The following ADAMTSL1 variants were observed in gnomAD, a reference collection of about 807,000 sequenced individuals.
ADAMTSL1 encodes ADAMTS-like protein 1.
In ADAMTSL1, 126 loss-of-function variants were observed where a neutral mutation model predicts 201.8. That is an observed-to-expected ratio of 0.62 (90% confidence interval 0.54 to 0.72). The LOEUF (loss-of-function observed/expected upper bound fraction) is 0.72, where lower values mean the gene tolerates loss of function less well. ADAMTSL1 is among the 30% of genes least tolerant of loss of function. The pLI is 0.00. For missense variants in ADAMTSL1, 2,679 were observed against 2,277.8 expected (o/e 1.18, Z -3.59); for synonymous variants, 1,121 against 903.4 (o/e 1.24, Z -4.32).
At chr9:18,796,377 A>T (rs10117246) in intron 20 of ADAMTSL1, 39,389 of 152,044 alleles carry the variant, frequency 0.26, 5,325 homozygotes, top group African/African-American at 0.32. Flanking sequence ...AATAGGATCC[A>T]TCCTCTCAGA....
intron 1 of ADAMTSL1, among the ~76,000 whole-genome samples, chr9:17,949,372 G>C (rs1485549994): frequency 6.6e-6 from 1 of 152,068 alleles, no homozygotes; most frequent in Non-Finnish European, 1.5e-5. Flanking sequence ...GGTACTGAAG[G>C]GCAGGTCAGT....
intron 23 of ADAMTSL1, among the ~76,000 whole-genome samples, chr9:18,866,921 G>C (rs79720642): frequency 1.1e-4 from 16 of 152,322 alleles, no homozygotes; most frequent in African/African-American, 3.8e-4. Context: ...AGGATGGCTT[G>C]CTGTACATAC....
intron 20 of ADAMTSL1, among the ~76,000 whole-genome samples, chr9:18,805,693 C>A (rs10963772): frequency 0.23 from 34,786 of 152,110 alleles, 5,417 homozygotes; most frequent in African/African-American, 0.44. Flanking sequence ...GCCCCTGCCC[C>A]CTGCAGGCAT....
At chr9:18,709,135 G>A (rs1432549028) in intron 14 of ADAMTSL1, among the ~76,000 whole-genome samples, 3 of 152,112 alleles carry the variant, frequency 2.0e-5, no homozygotes, top group East Asian at 1.9e-4. Context: ...ATGTCACTGT[G>A]CCAAGGTAAT....
chr9:18,175,894 T>A (rs951093102), intron 2 of ADAMTSL1, among the ~76,000 whole-genome samples: 4 of 150,178 alleles, frequency 2.7e-5, no homozygotes, highest in African/African-American at 9.8e-5. Context: ...AGGCTCTTAA[T>A]CTTCAGAGAT....
At chr9:18,853,710 T>G (rs918678656) in intron 23 of ADAMTSL1, among the ~76,000 whole-genome samples, 7 of 152,228 alleles carry the variant, frequency 4.6e-5, no homozygotes, top group Non-Finnish European at 7.3e-5. Context: ...AATGGCAGTT[T>G]GGAGGCAAAA....
At chr9:18,737,193 C>A (rs1448683789) in intron 15 of ADAMTSL1, among the ~76,000 whole-genome samples, 1 of 152,010 alleles carries the variant, frequency 6.6e-6, no homozygotes, top group Non-Finnish European at 1.5e-5. Context: ...ATGGCACATG[C>A]CTGTAATCCC....
At chr9:17,977,030 A>T (rs991128357) in intron 1 of ADAMTSL1, among the ~76,000 whole-genome samples, 1 of 151,960 alleles carries the variant, frequency 6.6e-6, no homozygotes, top group African/African-American at 2.4e-5. Context: ...GAGAGTTTTT[A>T]TTATAATAGG....
Position 18,906,796 on chromosome 9 carries a change from C to A in ADAMTSL1, c.5066C>A (p.Ser1689Tyr). 1.2e-6 allele frequency: 2 copies of A among 1,614,006 alleles called. No homozygotes were observed. The highest frequency in any genetic ancestry group is 1.7e-6 in the Non-Finnish European group (2 of 1,179,886). Reference sequence around the variant, plus strand: ...ACCTGTGGCAACTACGGCTTCCAGTCCCGGCGTGTGGAGTGTGTGCATGCC... The same window carrying A: ...ACCTGTGGCAACTACGGCTTCCAGTACCGGCGTGTGGAGTGTGTGCATGCC... ...TATCGNYGFQ[S>Y]RRVECVHART... Residue 1689 changes from serine to tyrosine, a missense_variant, in exon 28 of 29, where the codon TCC becomes TAC. Ser to Tyr is a moderately radical substitution (Grantham distance 144). Coordinates refer to ENST00000380548, the MANE Select transcript of ADAMTSL1 (RefSeq NM_001040272.6).
At chr9:18,779,644 T>C (rs894725616) in intron 19 of ADAMTSL1, among the ~76,000 whole-genome samples, 1 of 152,194 alleles carries the variant, frequency 6.6e-6, no homozygotes, top group Non-Finnish European at 1.5e-5. Flanking sequence ...CTTTCCTTAA[T>C]CAGCTTAACT....
chr9:18,470,203 T>A (rs192503836), upstream of ADAMTSL1, among the ~76,000 whole-genome samples: 4 of 152,238 alleles, frequency 2.6e-5, no homozygotes, highest in African/African-American at 9.6e-5. Context: ...CATCTGCAAA[T>A]TGGGGATAAT....
intron 15 of ADAMTSL1, among the ~76,000 whole-genome samples, chr9:18,731,004 T>C (rs1240092393): frequency 6.6e-6 from 1 of 152,234 alleles, no homozygotes; most frequent in African/African-American, 2.4e-5. Context: ...CCGTGACTTA[T>C]TTTGATCATA....
chr9:18,381,460 T>G (rs1837550870), intron 2 of ADAMTSL1, among the ~76,000 whole-genome samples: 1 of 152,144 alleles, frequency 6.6e-6, no homozygotes, highest in African/African-American at 2.4e-5. Context: ...AAAGTTAAGG[T>G]TCTTGCCCAA....
chr9:18,532,384 A>C (rs1213023724), intron 2 of ADAMTSL1, among the ~76,000 whole-genome samples: 1 of 152,194 alleles, frequency 6.6e-6, no homozygotes, highest in Non-Finnish European at 1.5e-5. Context: ...AAACACAGTC[A>C]GAAACTTTGA....
At chr9:18,732,758 A>G (rs910328004) in intron 15 of ADAMTSL1, among the ~76,000 whole-genome samples, 2 of 152,202 alleles carry the variant, frequency 1.3e-5, no homozygotes, top group African/African-American at 4.8e-5. Flanking sequence ...GAAAAGCCAC[A>G]TCATGGTAGA....
At chr9:18,850,723 G>T (rs1369120763) in intron 23 of ADAMTSL1, among the ~76,000 whole-genome samples, 1 of 152,142 alleles carries the variant, frequency 6.6e-6, no homozygotes, top group Admixed American at 6.5e-5. Flanking sequence ...AATAAAGAAG[G>T]TAAATTCTAG....
At chr9:18,480,106 G>C (rs1821647836) in intron 1 of ADAMTSL1, among the ~76,000 whole-genome samples, 1 of 152,158 alleles carries the variant, frequency 6.6e-6, no homozygotes, top group African/African-American at 2.4e-5. Flanking sequence ...TCCTCAGGAA[G>C]AAAACGATAC....
intron 2 of ADAMTSL1, among the ~76,000 whole-genome samples, chr9:18,425,846 A>G (rs1819189373): frequency 7.8e-6 from 1 of 128,610 alleles, no homozygotes; most frequent in African/African-American, 2.8e-5. Flanking sequence ...ACACAGTAAG[A>G]TCCCTGTCTC....
At chr9:18,833,839 T>G (rs1010752653) in intron 23 of ADAMTSL1, among the ~76,000 whole-genome samples, 2 of 152,216 alleles carry the variant, frequency 1.3e-5, no homozygotes, top group Non-Finnish European at 2.9e-5. Context: ...ATTTAAGTCT[T>G]CAATCCATCT....
Sources: allele counts gnomAD v4.1 joint callset (sites outside exome capture counted in the v4.1 genomes callset), GRCh38; gene constraint gnomAD v4.1.1; transcripts MANE v1.5; gene names NCBI Gene and HGNC (gene_info 2026-07-23, HGNC 2026-07-21).